The following MED13 variants were observed in gnomAD, a reference collection of about 807,000 sequenced individuals.
MED13 encodes the protein mediator of RNA polymerase II transcription subunit 13.
In MED13, 23 loss-of-function variants were observed where a neutral mutation model predicts 225.2. The ratio of observed to expected loss-of-function variants is 0.10; its 90% CI spans 0.07 to 0.14. The LOEUF (loss-of-function observed/expected upper bound fraction) is 0.14, where lower values mean the gene tolerates loss of function less well. MED13 is among the 10% of genes least tolerant of loss of function. The pLI is 1.00. For missense variants in MED13, 2,197 were observed against 2,594.5 expected (o/e 0.85, Z 3.33); for synonymous variants, 942 against 889.2 (o/e 1.06, Z -1.06).
intron 9 of MED13, among the ~76,000 whole-genome samples, chr17:62,000,172 T>C (rs752582833): frequency 1.3e-5 from 2 of 152,332 alleles, no homozygotes; most frequent in African/African-American, 2.4e-5. Context: ...GAAACATTTA[T>C]TTACACCAAA....
Position 61,993,000 on chromosome 17 carries a change from T to C in MED13, c.2182-379A>G, listed in dbSNP as rs148253299. On this transcript the variant is annotated intron_variant, in intron 10 of 29. Coordinates refer to ENST00000397786, the MANE Select transcript of MED13 (RefSeq NM_005121.3). ...CAGGATGGTCTCAATCTCTTGACCT[T>C]GTGATCCGCCCACCTCAGCCTCCCA... Among the ~76,000 whole-genome samples the C allele has an allele frequency of 5.0e-3, 759 of 152,074 alleles. 7 individuals carry two copies. Among genetic ancestry groups the C allele is most frequent in the African/African-American group, 0.017 (716 of 41,478 alleles).
rs767640263 is a variant in MED13 at position 61,962,889 on chromosome 17, T to C, written c.4927A>G (p.Ile1643Val). 3.7e-6 allele frequency: 6 copies of C among 1,613,994 alleles called. No homozygotes were observed. Among genetic ancestry groups the C allele is most frequent in the East Asian group, 2.2e-5 (1 of 44,876 alleles). ...VTYPPAIVVY[I>V]IDPFTYENTD... ...TTTTCGTATGTAAAAGGATCAATTA[T>C]ATAAACAACAATTGCAGGTGGATAC... is the stretch of plus-strand genomic sequence containing the variant. Residue 1643 changes from isoleucine (I) to valine (V), a missense_variant, in exon 21 of 30, where the codon ATA (isoleucine) becomes GTA (valine). Ile to Val is a conservative substitution (Grantham distance 29, BLOSUM62 3). This residue lies in a region of MED13 where 457 missense variants were observed against 442.2 expected (regional missense o/e 1.03). Transcript: ENST00000397786.
At chr17:61,994,196 A>C (rs2080328323) in intron 10 of MED13, among the ~76,000 whole-genome samples, 1 of 151,940 alleles carries the variant, frequency 6.6e-6, no homozygotes, top group Non-Finnish European at 1.5e-5. Context: ...ATGGGGTTTC[A>C]CCATCTTGGC....
chr17:61,944,322 CTT>C lies in MED13; in HGVS notation c.*2144_*2145del, dbSNP rs1176685409. 1.3e-5 allele frequency: 2 copies of C among 150,286 alleles called. No individual in the cohort carries two copies. The highest frequency in any genetic ancestry group is 4.9e-5 in the African/African-American group (2 of 40,832). The allele number at this position is 150,286 out of a possible 1,614,324, so 9.3% of individuals were successfully genotyped here. On this transcript the variant is annotated 3_prime_UTR_variant, in exon 30 of 30. Transcript: ENST00000397786. ...CTATTAAGTGTATAAAAAGGATACT[CTT>C]TTTATGGAAATTCCAAATAAGCACA...
Position 62,029,926 on chromosome 17 carries a change from T to A in MED13, c.1097A>T (p.Lys366Ile). Residue 366 changes from lysine to isoleucine, a missense_variant, in exon 7 of 30, where the codon AAA (lysine) becomes ATA (isoleucine). Transcript: ENST00000397786. Reference protein sequence around the residue: ...NSDSTSHHGGKIPRKLANHVV... With the variant: ...NSDSTSHHGGIIPRKLANHVV... Reference sequence around the variant, plus strand: ...ATGATTTGCTAATTTTCTGGGTATTTTCCCACCATGGTGGCTAGTACTATC... The same window carrying A: ...ATGATTTGCTAATTTTCTGGGTATTATCCCACCATGGTGGCTAGTACTATC... 6.2e-7 allele frequency: 1 copy of A among 1,614,102 alleles called. No homozygotes were observed. The highest frequency in any genetic ancestry group is 8.5e-7 in the Non-Finnish European group (1 of 1,179,996).
At chr17:61,991,798 G>A (rs1349164002) in intron 11 of MED13, among the ~76,000 whole-genome samples, 1 of 152,048 alleles carries the variant, frequency 6.6e-6, no homozygotes, top group African/African-American at 2.4e-5. Flanking sequence ...GTGAGCCACT[G>A]TGCCCGGCCT....
At chr17:61,947,189 G>C (rs1403064584) in intron 28 of MED13, among the ~76,000 whole-genome samples, 172 bp from the exon 29 acceptor site, 1 of 150,212 alleles carries the variant, frequency 6.7e-6, no homozygotes, top group Admixed American at 6.6e-5. Flanking sequence ...ATTCATTATA[G>C]AAATGTTTTT....
chr17:61,999,887 TCTAAAATCCTGG>T (rs2080379509), intron 9 of MED13, among the ~76,000 whole-genome samples: 1 of 151,884 alleles, frequency 6.6e-6, no homozygotes, highest in African/African-American at 2.4e-5. Flanking sequence ...CGAGATCCTG[TCTAAAATCCTGG>T]CTAAAAAAAA....
At chr17:61,960,786 C>T in intron 23 of MED13, 81 bp downstream of exon 23, 1 of 1,029,012 alleles carries the variant, frequency 9.7e-7, no homozygotes, top group Non-Finnish European at 1.4e-6. Flanking sequence ...ATAAAACCTT[C>T]AAACTGGTTT....
chr17:62,010,891 A>G lies in MED13; in HGVS notation c.1626T>C (p.Asp542=), dbSNP rs749425491. The change falls in exon 9 of 30, where the codon GAT becomes GAC. Residue 542 remains aspartate (D), a synonymous_variant. Coordinates refer to ENST00000397786, the MANE Select transcript of MED13 (RefSeq NM_005121.3). ...TTTTAGTCACTCCTTCATCAACCAC[A>G]TCACAAGGGTGAGGACTAAGTGGGG... The part of the protein sequence containing the change: ...QPPPLSPHPC[D]VVDEGVTKTP... 1 of 1,614,120 alleles carries G rather than the reference A, an allele frequency of 6.2e-7. No homozygotes were observed. The highest frequency in any genetic ancestry group is 8.5e-7 in the Non-Finnish European group (1 of 1,179,970).
Position 61,961,633 on chromosome 17 carries a change from G to A in MED13, c.5211C>T (p.Gly1737=). The stretch of plus-strand genomic sequence containing the variant: ...TTTCCATGGCTAAACCTGGACCAAA[G>A]CCAGTCAATGTTTTCACATTGGTTG... The part of the protein sequence containing the change: ...PTSTNVKTLT[G]FGPGLAMETA... The change falls in exon 22 of 30, where the codon GGC becomes GGT. Residue 1737 remains glycine (G), a synonymous_variant. Transcript: ENST00000397786. The A allele has an allele frequency of 1.2e-6, 2 of 1,613,390 alleles. No homozygotes were observed. Among genetic ancestry groups the A allele is most frequent in the Admixed American group, 1.7e-5 (1 of 59,930 alleles).
At chr17:61,963,106 A>C in intron 20 of MED13, 135 bp from the exon 21 acceptor site, 1 of 660,146 alleles carries the variant, frequency 1.5e-6, no homozygotes, top group Non-Finnish European at 2.6e-6. Context: ...AAAATGAAGG[A>C]CATTTCTTTC....
rs948831998 is a variant in MED13 at position 61,956,538 on chromosome 17, T to A, written c.5481-57A>T. 5 of 1,540,530 alleles carry A rather than the reference T, an allele frequency of 3.2e-6. No individual in the cohort carries two copies. The African/African-American group carries it at 5.6e-5, about 17-fold the overall frequency. On this transcript the variant is annotated intron_variant, in intron 23 of 29. Coordinates refer to ENST00000397786, the MANE Select transcript of MED13 (RefSeq NM_005121.3). Reference sequence around the variant, plus strand: ...ATTTCTAAAATTTATATGATTTTGCTGTTGTTGTTTTTTTGAGATGGAGTC... The same window carrying A: ...ATTTCTAAAATTTATATGATTTTGCAGTTGTTGTTTTTTTGAGATGGAGTC...
At chr17:62,009,862 A>G (rs1463233218) in intron 9 of MED13, among the ~76,000 whole-genome samples, 1 of 152,220 alleles carries the variant, frequency 6.6e-6, no homozygotes, top group Non-Finnish European at 1.5e-5. Context: ...TCATAAGGAA[A>G]TACCATAAAG....
rs777135960 is a variant in MED13 at position 61,956,464 on chromosome 17, CTTT to C, written c.5495_5497del (p.Lys1832del). ...CTGTAGACCAAATTTTCTAGCAGAACTTTTTTTCCGACGAGCCCTATTGTGTGA... is the reference window on the plus strand; with the variant it reads ...CTGTAGACCAAATTTTCTAGCAGAACTTTTCCGACGAGCCCTATTGTGTGA... On this transcript the variant is annotated inframe_deletion, in exon 24 of 30. Coordinates refer to ENST00000397786, the MANE Select transcript of MED13 (RefSeq NM_005121.3). 6.2e-7 allele frequency: 1 copy of C among 1,611,918 alleles called. No homozygotes were observed. The highest frequency in any genetic ancestry group is 8.5e-7 in the Non-Finnish European group (1 of 1,179,304).
chr17:62,062,798 C>T (rs2081051689), intron 2 of MED13, among the ~76,000 whole-genome samples: 1 of 152,054 alleles, frequency 6.6e-6, no homozygotes, highest in South Asian at 2.1e-4. Context: ...ATGTAACATG[C>T]CTTCTTCGGG....
chr17:62,063,881 G>A (rs771625549), intron 1 of MED13, among the ~76,000 whole-genome samples: 7 of 152,196 alleles, frequency 4.6e-5, no homozygotes, highest in Non-Finnish European at 1.0e-4. Flanking sequence ...AATAGACTGA[G>A]TTGGATAAGA....
chr17:62,056,939 CCAT>C (rs1160385820), intron 2 of MED13, among the ~76,000 whole-genome samples: 1 of 151,994 alleles, frequency 6.6e-6, no homozygotes, highest in East Asian at 1.9e-4. Context: ...AATTTGATTA[CCAT>C]ATTTTTTTCC....
At chr17:61,968,365 G>T in intron 17 of MED13, 107 bp from the exon 18 acceptor site, 1 of 825,122 alleles carries the variant, frequency 1.2e-6, no homozygotes, top group South Asian at 2.7e-5. Flanking sequence ...TCGCTCTGTC[G>T]CCCAGACTGG....
Sources: gnomAD v4.1 joint callset for allele counts (sites outside exome capture counted in the v4.1 genomes callset) on GRCh38, gnomAD v4.1.1 for gene constraint, gnomAD v4.1.1 regional missense constraint, MANE v1.5 for transcripts, NCBI Gene and HGNC (gene_info 2026-07-23, HGNC 2026-07-21) for gene names.